TGM4: variants seen among roughly 807,000 people sequenced by gnomAD.
The protein encoded by TGM4 is protein-glutamine gamma-glutamyltransferase 4.
TGM4 carries 61 observed loss-of-function variants against 76.3 expected under a neutral mutation model. That is an observed-to-expected ratio of 0.80 (90% CI 0.65 to 0.99). The LOEUF (loss-of-function observed/expected upper bound fraction) is 0.99, where lower values mean the gene tolerates loss of function less well. Among genes scored for constraint, TGM4 ranks in the 50% least tolerant of loss-of-function variants. The pLI, the probability that TGM4 is intolerant of heterozygous loss-of-function variation, is 0.00. For synonymous variants in TGM4, 337 were observed against 329.8 expected, an observed-to-expected ratio of 1.02 and a Z score of -0.24; for missense variants, 794 against 843.2, an observed-to-expected ratio of 0.94 and a Z score of 0.72.
chr3:44,906,922 G>A lies in TGM4; in HGVS notation c.1076-27G>A, dbSNP rs747745403. ...TGGGTGGGCTGGGGAACCCCACTGA[G>A]AGTGACCACCCCTGGCTTCCCCTCA... On this transcript the variant is annotated intron_variant, in intron 9 of 13. Coordinates refer to ENST00000296125, the MANE Select transcript of TGM4 (RefSeq NM_003241.4). 5 of 1,608,084 alleles carry A rather than the reference G, an allele frequency of 3.1e-6. No homozygotes were observed. The East Asian group carries it at 8.9e-5, about 29-fold the overall frequency.
At chr3:44,907,558 C>T (rs547487251) in intron 10 of TGM4, among the ~76,000 whole-genome samples, 7 of 152,208 alleles carry the variant, frequency 4.6e-5, no homozygotes, top group South Asian at 4.2e-4. Context: ...TAAGACTGTC[C>T]GTTCTCCCCA....
chr3:44,875,098 AG>A (rs1194683665), intron 1 of TGM4, among the ~76,000 whole-genome samples: 1 of 152,220 alleles, frequency 6.6e-6, no homozygotes, highest in African/African-American at 2.4e-5. Flanking sequence ...TATTTCCTAA[AG>A]ACAAGGACAT....
rs189358379 is a variant in TGM4, at chr3:44,892,831, G to T, written c.431-746G>T. 1.4e-3 allele frequency among the ~76,000 whole-genome samples: 212 copies of T among 152,184 alleles called. 2 individuals carry two copies. Among genetic ancestry groups the T allele is most frequent in the African/African-American group, 4.6e-3 (189 of 41,508 alleles). On this transcript the variant is annotated intron_variant, in intron 4 of 13. Transcript: ENST00000296125. ...TTTGACATATTTTTGAGGACTAGAA[G>T]TCCCCTTTTTTAACAGATCATTCAT...
chr3:44,889,762 C>T (rs1380922005), intron 3 of TGM4, among the ~76,000 whole-genome samples: 3 of 152,160 alleles, frequency 2.0e-5, no homozygotes, highest in Admixed American at 6.5e-5. Context: ...CCTTCTGGGA[C>T]TCTGGCTGCC....
rs1699496564 is a variant in TGM4 at position 44,879,263 on chromosome 3, CTCTATATATA to C, written c.19+4568_19+4577del. Among the ~76,000 whole-genome samples, 2 of 96,272 alleles carry C rather than the reference CTCTATATATA, an allele frequency of 2.1e-5. 1 individual carries two copies. Among genetic ancestry groups the C allele is most frequent in the Admixed American group, 2.4e-4 (2 of 8,396 alleles). 63.2% of individuals were successfully genotyped at this position (96,272 alleles called of 152,430 possible). A position where few individuals can be genotyped will look rare whatever the true frequency, so the allele number is the denominator to read the frequency against. ...TCTCTCTCTCTCTCTCTCTCTCTCT[CTCTATATATA>C]TATATATATATATAGTTTATTTAAT... On this transcript the variant is annotated intron_variant, in intron 1 of 13. Transcript: ENST00000296125.
intron 8 of TGM4, 136 bp from the exon 9 acceptor site, chr3:44,903,740 CAGTGTTGA>C: frequency 1.3e-6 from 1 of 749,502 alleles, no homozygotes; most frequent in Non-Finnish European, 2.3e-6. Context: ...CCTTCCTTGC[CAGTGTTGA>C]CAAAGGTTCC....
chr3:44,880,627 G>A (rs1212541422), intron 1 of TGM4, among the ~76,000 whole-genome samples: 1 of 152,188 alleles, frequency 6.6e-6, no homozygotes, highest in Admixed American at 6.5e-5. Flanking sequence ...AGGTCCTGAG[G>A]GAGCTAGGCA....
chr3:44,890,312 G>A (rs775506980), intron 3 of TGM4: 4 of 307,960 alleles, frequency 1.3e-5, no homozygotes, highest in Non-Finnish European at 2.5e-5. Context: ...AGGCTGTGGT[G>A]AAGCAAGTGG....
At chr3:44,902,216 G>A (rs1021948735) in intron 8 of TGM4, among the ~76,000 whole-genome samples, 3 of 152,160 alleles carry the variant, frequency 2.0e-5, no homozygotes, top group Non-Finnish European at 2.9e-5. Flanking sequence ...GATTCAAGTT[G>A]TAGGCCAGTG....
intron 5 of TGM4, among the ~76,000 whole-genome samples, chr3:44,894,785 T>C (rs758125523): frequency 6.6e-6 from 1 of 152,102 alleles, no homozygotes; most frequent in Non-Finnish European, 1.5e-5. Context: ...GACTCCCAGC[T>C]GGCGAGGCTC....
In TGM4 at chr3:44,903,982, G is replaced by A. The variant is rs572640554; in HGVS notation, c.1070G>A (p.Ser357Asn). ...GTGGACGCAACGCCGCAGGAGCGAA[G>A]CCAGGGTGAGTGGGTGGCAGGAAGG... ...QAVDATPQER[S>N]QGVFCCGPSP... The change falls in exon 9 of 14, where the codon AGC becomes AAC. Residue 357 changes from serine to asparagine, a missense_variant. By Grantham distance (46) the Ser-to-Asn change is conservative. Coordinates refer to ENST00000296125, the MANE Select transcript of TGM4 (RefSeq NM_003241.4). 7.4e-6 allele frequency: 12 copies of A among 1,613,800 alleles called. No individual in the cohort carries two copies. The African/African-American group carries it at 1.3e-4, about 18-fold the overall frequency.
intron 10 of TGM4, among the ~76,000 whole-genome samples, chr3:44,908,396 T>TTTGTTTC (rs1699955192): frequency 6.7e-6 from 1 of 149,516 alleles, no homozygotes; most frequent in East Asian, 1.9e-4. Context: ...TTTTGTTTTT[T>TTTGTTTC]TTGTTTTTTG....
At chr3:44,895,931 TAGGAA>T (rs1425943586) in intron 5 of TGM4, among the ~76,000 whole-genome samples, 2 of 152,118 alleles carry the variant, frequency 1.3e-5, no homozygotes, top group Admixed American at 6.5e-5. Context: ...ACAAAAGACT[TAGGAA>T]ACACAGAAAT....
chr3:44,912,309 G>C (rs1272502697), intron 13 of TGM4, among the ~76,000 whole-genome samples: 1 of 152,066 alleles, frequency 6.6e-6, no homozygotes. Context: ...TACACAATTA[G>C]GTATTTATCT....
In TGM4 at chr3:44,911,127, G is replaced by C; in HGVS notation, c.1776G>C (p.Glu592Asp). The C allele has an allele frequency of 6.2e-7, 1 of 1,613,882 alleles. No individual in the cohort carries two copies. Among genetic ancestry groups the C allele is most frequent in the Non-Finnish European group, 8.5e-7 (1 of 1,179,836 alleles). ...TSFQYPEFSI[E>D]LPNTGRIGQL... ...TCCAGTACCCTGAGTTCTCTATAGA[G>C]GTGAGCTTCCTGCAGGCCATAAAGG... Residue 592 changes from glutamate to aspartate, a missense_variant and splice_region_variant, in exon 12 of 14, where the codon GAG (glutamate) becomes GAC (aspartate). Glu to Asp is a conservative substitution (Grantham distance 45). Transcript: ENST00000296125.
In TGM4 at chr3:44,911,039, G is replaced by A; in HGVS notation, c.1688G>A (p.Gly563Asp). 2 of 1,614,136 alleles carry A rather than the reference G, an allele frequency of 1.2e-6. No individual in the cohort carries two copies. The highest frequency in any genetic ancestry group is 1.1e-5 in the South Asian group (1 of 91,068). The change falls in exon 12 of 14, where the codon GGT becomes GAT. Residue 563 changes from glycine (G) to aspartate (D), a missense_variant. Transcript: ENST00000296125. ...TTAGATGATGAGCCAGTTATCAGAG[G>A]TTTCATCATTGCGGAAATTGTGGAG... Reference protein sequence around the residue: ...AILDDEPVIRGFIIAEIVESK... With the variant: ...AILDDEPVIRDFIIAEIVESK...
chr3:44,879,259 CTCTCTCTA>C (rs796359935), intron 1 of TGM4, among the ~76,000 whole-genome samples: 7,629 of 101,382 alleles, frequency 0.075, 214 homozygotes, highest in Admixed American at 0.14. Context: ...CTCTCTCTCT[CTCTCTCTA>C]TATATATATA....
At chr3:44,898,805 C>T (rs935736061) in intron 6 of TGM4, among the ~76,000 whole-genome samples, 4 of 152,200 alleles carry the variant, frequency 2.6e-5, no homozygotes, top group Non-Finnish European at 4.4e-5. Flanking sequence ...GGGGCCCTCA[C>T]GCTGACTCTC....
intron 6 of TGM4, among the ~76,000 whole-genome samples, chr3:44,897,943 T>C (rs529074035): frequency 4.6e-5 from 7 of 152,258 alleles, no homozygotes; most frequent in Middle Eastern, 3.4e-3. Context: ...TTGTTTTAGT[T>C]GGAATATATG....
Sources: gnomAD v4.1 joint callset for allele counts (sites outside exome capture counted in the v4.1 genomes callset) on GRCh38, gnomAD v4.1.1 for gene constraint, MANE v1.5 for transcripts, NCBI Gene and HGNC (gene_info 2026-07-23, HGNC 2026-07-21) for gene names.